Variants in CD96 observed in about 807,000 individuals in gnomAD.
CD96 encodes the protein T-cell surface protein tactile.
A neutral mutation model predicts 71.3 loss-of-function variants in CD96; 70 were observed. The ratio of observed to expected loss-of-function variants is 0.98; its 90% CI spans 0.81 to 1.20. CD96 has a LOEUF of 1.20. Ranked by LOEUF, CD96 falls within the 50% of genes most tolerant of loss-of-function variation. CD96 has a pLI of 0.00. For synonymous variants in CD96, 248 were observed against 233.0 expected (o/e 1.06, Z -0.59); for missense variants, 742 against 677.5 (o/e 1.10, Z -1.06).
At chr3:111,645,658 T>C (rs920887255) in intron 12 of CD96, among the ~76,000 whole-genome samples, 6 of 152,164 alleles carry the variant, frequency 3.9e-5, no homozygotes, top group South Asian at 4.1e-4. Flanking sequence ...TAGTCCTGAG[T>C]TGACCAATTG....
At chr3:111,581,174 A>T (rs565361914) in intron 4 of CD96, among the ~76,000 whole-genome samples, 1 of 151,868 alleles carries the variant, frequency 6.6e-6, no homozygotes, top group South Asian at 2.1e-4. Context: ...CTTTCGGTGG[A>T]TGCTTAAAAA....
At chr3:111,612,587 T>C (rs1211700506) in intron 8 of CD96, among the ~76,000 whole-genome samples, 2 of 152,190 alleles carry the variant, frequency 1.3e-5, no homozygotes, top group Admixed American at 6.5e-5. Context: ...CAGATGAAGA[T>C]ACTGAGGCAC....
chr3:111,590,299 C>A (rs1936917603), intron 5 of CD96, among the ~76,000 whole-genome samples: 1 of 152,168 alleles, frequency 6.6e-6, no homozygotes, highest in African/African-American at 2.4e-5. Flanking sequence ...TGCAAAATAC[C>A]TACCATCCAG....
intron 5 of CD96, chr3:111,593,371 T>C: frequency 5.8e-6 from 4 of 693,782 alleles, no homozygotes; most frequent in Non-Finnish European, 8.5e-6. Context: ...AGGAACCTCG[T>C]AGATAAGCAT....
intron 2 of CD96, among the ~76,000 whole-genome samples, chr3:111,549,204 C>T (rs1420404841): frequency 6.6e-5 from 10 of 151,532 alleles, no homozygotes; most frequent in Admixed American, 5.9e-4. Context: ...CCTTTGGAAG[C>T]GCTGCTTCAA....
intron 12 of CD96, among the ~76,000 whole-genome samples, chr3:111,643,159 G>A (rs968234748): frequency 3.3e-5 from 5 of 149,354 alleles, no homozygotes; most frequent in African/African-American, 1.2e-4. Flanking sequence ...TCATACCAGG[G>A]ATGCAGGGAT....
At position 111,600,515 on chromosome 3, in the gene CD96, C is replaced by A. The variant is rs80304656; in HGVS notation, c.899-211C>A. 5.0e-3 allele frequency among the ~76,000 whole-genome samples: 754 copies of A among 152,268 alleles called. 6 individuals carry two copies. Among genetic ancestry groups the A allele is most frequent in the African/African-American group, 0.017 (699 of 41,544 alleles). ...ACACTATTAGTCAACATATTTTATA[C>A]CCTGACCATGGATCAATGACATGCA... is the stretch of plus-strand genomic sequence containing the variant. On this transcript the variant is annotated intron_variant, in intron 6 of 13. Transcript: ENST00000352690.
At chr3:111,558,623 G>A (rs1049974751) in intron 2 of CD96, among the ~76,000 whole-genome samples, 11 of 130,042 alleles carry the variant, frequency 8.5e-5, no homozygotes, top group Non-Finnish European at 1.8e-4. Flanking sequence ...ATTTTATTGG[G>A]GATTTTTGCA....
intron 10 of CD96, among the ~76,000 whole-genome samples, chr3:111,635,961 T>G (rs1442127183): frequency 6.6e-6 from 1 of 152,232 alleles, no homozygotes; most frequent in Admixed American, 6.5e-5. Context: ...TTTCAGTTAG[T>G]TATTGCTCTT....
At chr3:111,564,112 G>T (rs1935588904) in intron 2 of CD96, among the ~76,000 whole-genome samples, 2 of 152,116 alleles carry the variant, frequency 1.3e-5, no homozygotes, top group East Asian at 3.9e-4. Context: ...GCTTAAAGTT[G>T]TCCATTCTGG....
Position 111,579,012 on chromosome 3 carries a change from A to G in CD96, c.544-15A>G, listed in dbSNP as rs768886414. 5 of 1,463,460 alleles carry G rather than the reference A, an allele frequency of 3.4e-6. No individual in the cohort carries two copies. In the South Asian group the frequency reaches 4.6e-5, roughly 13 times the overall value. The allele number at this position is 1,463,460 out of a possible 1,614,324, so 90.7% of individuals were successfully genotyped here. ...AGTTGAGGACTCAATAACTGGTAAC[A>G]ATTTTTCTCACCAGGAGGATAATGG... On this transcript the variant is annotated splice_polypyrimidine_tract_variant and intron_variant, in intron 3 of 13. Transcript: ENST00000352690.
At chr3:111,587,290 G>A (rs1936758278) in intron 5 of CD96, among the ~76,000 whole-genome samples, 1 of 152,200 alleles carries the variant, frequency 6.6e-6, no homozygotes. Flanking sequence ...GGCATTGAGT[G>A]TCTGCAGCTT....
intron 5 of CD96, chr3:111,594,167 G>A (rs374514203): frequency 6.2e-7 from 1 of 1,607,680 alleles, no homozygotes; most frequent in African/African-American, 1.3e-5. Context: ...CTTCATCATT[G>A]TTCCCTCCTC....
At chr3:111,571,070 G>A in intron 3 of CD96, 1 of 944,194 alleles carries the variant, frequency 1.1e-6, no homozygotes, top group Non-Finnish European at 1.7e-6. Flanking sequence ...GGGGTAGGAG[G>A]TAGGTCAAGT....
At chr3:111,548,731 A>G (rs975949017) in intron 2 of CD96, among the ~76,000 whole-genome samples, 1 of 152,170 alleles carries the variant, frequency 6.6e-6, no homozygotes, top group Non-Finnish European at 1.5e-5. Context: ...TGGAGAAGTC[A>G]TGGTCCTGGA....
In CD96 at chr3:111,649,938, A is replaced by G. The variant is rs2107794054; in HGVS notation, c.*132A>G. On this transcript the variant is annotated 3_prime_UTR_variant, in exon 14 of 14. Coordinates refer to ENST00000352690, the MANE Select transcript of CD96 (RefSeq NM_005816.5). ...CTGAAATGGAAGTCAGAAGTGAGTG[A>G]CCTGTTTTCCCAGCAACTCACCCTC... 2.8e-6 allele frequency: 2 copies of G among 715,980 alleles called. No homozygotes were observed. Among genetic ancestry groups the G allele is most frequent in the South Asian group, 1.5e-5 (1 of 68,082 alleles). The allele number at this position is 715,980 out of a possible 1,614,324, so 44.4% of individuals were successfully genotyped here. A position where few individuals can be genotyped will look rare whatever the true frequency, so the allele number is the denominator to read the frequency against.
intron 10 of CD96, among the ~76,000 whole-genome samples, chr3:111,635,620 C>T (rs890846980): frequency 1.3e-5 from 2 of 152,192 alleles, no homozygotes; most frequent in Admixed American, 1.3e-4. Flanking sequence ...GCACTGTATA[C>T]TTGCTGAAAA....
At position 111,663,076 on chromosome 3, in the gene CD96, C is replaced by T. The variant is rs1940395084; in HGVS notation, c.*53-2451C>T. On this transcript the variant is annotated intron_variant and NMD_transcript_variant, in intron 14 of 14. Transcript: ENST00000494798. ...GCATGGCTTGGGAGACCTCAGAAAA[C>T]TTACAAACATGGTGGAAGGGCAAAG... Among the ~76,000 whole-genome samples, 3 of 152,254 alleles carry T rather than the reference C, an allele frequency of 2.0e-5. No homozygotes were observed. In the South Asian group the frequency reaches 6.2e-4, roughly 32 times the overall value.
chr3:111,618,000 C>A (rs945896342), intron 8 of CD96, among the ~76,000 whole-genome samples: 3 of 152,220 alleles, frequency 2.0e-5, no homozygotes, highest in Non-Finnish European at 4.4e-5. Flanking sequence ...GCAGAAACTG[C>A]TTGCCATACA....
Sources: gnomAD v4.1 joint callset for allele counts (sites outside exome capture counted in the v4.1 genomes callset) on GRCh38, gnomAD v4.1.1 for gene constraint, MANE v1.5 for transcripts, NCBI Gene and HGNC (gene_info 2026-07-23, HGNC 2026-07-21) for gene names.